The following TCERG1L variants were observed in gnomAD, a reference collection of about 807,000 sequenced individuals.
TCERG1L encodes the protein transcription elongation regulator 1-like protein.
In TCERG1L, 37 loss-of-function variants were observed where a neutral mutation model predicts 56.3. The ratio of observed to expected loss-of-function variants is 0.66; its 90% CI spans 0.51 to 0.87. The LOEUF (loss-of-function observed/expected upper bound fraction) is 0.87, where lower values mean the gene tolerates loss of function less well. TCERG1L is among the 40% of genes least tolerant of loss of function. TCERG1L has a pLI of 0.00. For missense variants in TCERG1L, 799 were observed against 774.2 expected (o/e 1.03, Z -0.38); for synonymous variants, 324 against 326.3 (o/e 0.99, Z 0.08).
At chr10:131,236,845 G>A (rs1194146957) in intron 4 of TCERG1L, among the ~76,000 whole-genome samples, 2 of 152,006 alleles carry the variant, frequency 1.3e-5, no homozygotes, top group Admixed American at 6.6e-5. Flanking sequence ...TCTAGTCTAG[G>A]TGCTTTCTGA....
chr10:131,093,535 T>C (rs1845205226), intron 11 of TCERG1L, among the ~76,000 whole-genome samples: 1 of 152,038 alleles, frequency 6.6e-6, no homozygotes, highest in African/African-American at 2.4e-5. Flanking sequence ...CAGGACCCCC[T>C]TGTCTCTCCT....
chr10:131,223,460 CT>C (rs1320937778), intron 4 of TCERG1L, among the ~76,000 whole-genome samples: 1 of 152,228 alleles, frequency 6.6e-6, no homozygotes, highest in African/African-American at 2.4e-5. Flanking sequence ...GATTCAGATA[CT>C]GTTTTGGGTC....
chr10:131,270,037 C>A (rs1217395164), intron 3 of TCERG1L, among the ~76,000 whole-genome samples: 2 of 152,178 alleles, frequency 1.3e-5, no homozygotes, highest in African/African-American at 4.8e-5. Context: ...GATAAACATG[C>A]AACGGTAACA....
intron 4 of TCERG1L, among the ~76,000 whole-genome samples, chr10:131,179,625 G>A (rs1303761835): frequency 6.6e-6 from 1 of 152,230 alleles, no homozygotes; most frequent in African/African-American, 2.4e-5. Context: ...CCACCATGGA[G>A]GGCTGGCGGG....
chr10:131,201,672 T>C (rs1175277410), intron 4 of TCERG1L, among the ~76,000 whole-genome samples: 6 of 152,262 alleles, frequency 3.9e-5, no homozygotes, highest in Non-Finnish European at 7.3e-5. Context: ...CAATTTGCTC[T>C]GCTGCTGCTG....
chr10:131,298,699 C>A (rs1272483596), intron 3 of TCERG1L, among the ~76,000 whole-genome samples: 2 of 152,220 alleles, frequency 1.3e-5, no homozygotes, highest in Non-Finnish European at 2.9e-5. Context: ...GAGGCATGAG[C>A]CACGGCGTCC....
chr10:131,170,773 G>C (rs1005363941), intron 4 of TCERG1L, among the ~76,000 whole-genome samples: 2 of 152,196 alleles, frequency 1.3e-5, no homozygotes, highest in African/African-American at 4.8e-5. Flanking sequence ...AAGGGCCGCA[G>C]GGACTGGGGA....
At chr10:131,274,462 G>A (rs7088449) in intron 3 of TCERG1L, among the ~76,000 whole-genome samples, 1 of 152,322 alleles carries the variant, frequency 6.6e-6, no homozygotes, top group East Asian at 1.9e-4. Context: ...CATCCTTGAA[G>A]GAAGTGTGAA....
intron 3 of TCERG1L, among the ~76,000 whole-genome samples, chr10:131,287,930 A>G (rs1439969169): frequency 6.6e-6 from 1 of 152,192 alleles, no homozygotes; most frequent in African/African-American, 2.4e-5. Context: ...TAATGACATG[A>G]TGTCACTCAT....
At chr10:131,242,033 C>T (rs1045102558) in intron 4 of TCERG1L, among the ~76,000 whole-genome samples, 6 of 152,186 alleles carry the variant, frequency 3.9e-5, no homozygotes, top group African/African-American at 1.4e-4. Flanking sequence ...TACAACTTGG[C>T]AACCTATCAA....
At chr10:131,117,041 C>G (rs1845467184) in intron 8 of TCERG1L, 107 bp from the exon 9 acceptor site, 1 of 1,382,858 alleles carries the variant, frequency 7.2e-7, no homozygotes, top group Non-Finnish European at 9.6e-7. Context: ...GAAGCACAGT[C>G]TCCTTGACAA....
At chr10:131,222,458 T>A (rs920141987) in intron 4 of TCERG1L, among the ~76,000 whole-genome samples, 1 of 152,258 alleles carries the variant, frequency 6.6e-6, no homozygotes, top group South Asian at 2.1e-4. Context: ...TATTGGCAGA[T>A]GTGAAACTCA....
intron 4 of TCERG1L, among the ~76,000 whole-genome samples, chr10:131,247,816 C>G (rs1429736485): frequency 6.6e-6 from 1 of 152,188 alleles, no homozygotes; most frequent in Non-Finnish European, 1.5e-5. Context: ...CCACCTCTCC[C>G]CTGCCTCCTG....
At chr10:131,263,578 C>T (rs1426082882) in intron 3 of TCERG1L, among the ~76,000 whole-genome samples, 3 of 152,192 alleles carry the variant, frequency 2.0e-5, no homozygotes, top group South Asian at 2.1e-4. Context: ...AAGGAAGGCA[C>T]GTGCCCCATA....
Position 131,242,080 on chromosome 10 carries a change from G to A in TCERG1L, c.856+18179C>T, listed in dbSNP as rs375264954. On this transcript the variant is annotated intron_variant, in intron 4 of 11. Coordinates refer to ENST00000368642, the MANE Select transcript of TCERG1L (RefSeq NM_174937.4). Reference sequence around the variant, plus strand: ...GGGCAAGAACAGAATTTTCAACACCGAAGGGATCTGGAATACTTTTATTAG... The same window carrying A: ...GGGCAAGAACAGAATTTTCAACACCAAAGGGATCTGGAATACTTTTATTAG... Among the ~76,000 whole-genome samples, 9 of 152,278 alleles carry A rather than the reference G, an allele frequency of 5.9e-5. No homozygotes were observed. In the South Asian group the frequency reaches 1.0e-3, roughly 18 times the overall value.
rs182840227 is a variant in TCERG1L, at chr10:131,305,263, G to A, written c.670+2948C>T. ...CCAACAGGCTTGTTTACAACAGAGC[G>A]TGATAACAGGCGACCATCATCCTCC... On this transcript the variant is annotated intron_variant, in intron 3 of 11. Transcript: ENST00000368642. 9.8e-4 allele frequency among the ~76,000 whole-genome samples: 149 copies of A among 152,222 alleles called. 2 individuals carry two copies. The highest frequency in any genetic ancestry group is 3.0e-3 in the African/African-American group (124 of 41,476).
chr10:131,127,311 CAG>C (rs1845574426), intron 8 of TCERG1L, among the ~76,000 whole-genome samples: 1 of 152,348 alleles, frequency 6.6e-6, no homozygotes, highest in South Asian at 2.1e-4. Flanking sequence ...CAAACCCTGA[CAG>C]AGACAGAGAC....
intron 4 of TCERG1L, among the ~76,000 whole-genome samples, chr10:131,232,724 G>T (rs1185765228): frequency 6.6e-6 from 1 of 152,156 alleles, no homozygotes; most frequent in African/African-American, 2.4e-5. Context: ...CTGCTAAAAT[G>T]GGCACAAAAC....
In TCERG1L at chr10:131,192,731, A is replaced by C. The variant is rs1028184703; in HGVS notation, c.857-25846T>G. Among the ~76,000 whole-genome samples the C allele has an allele frequency of 1.4e-5, 2 of 144,818 alleles. 1 individual carries two copies. The highest frequency in any genetic ancestry group is 1.4e-4 in the Admixed American group (2 of 14,572). ...AATTTGGATGGAGCTGGAGTCCATT[A>C]TTCTAAGTGAAGTAGTAACACAGGA... is the stretch of plus-strand genomic sequence containing the variant. On this transcript the variant is annotated intron_variant, in intron 4 of 11. Transcript: ENST00000368642.
Sources: allele counts gnomAD v4.1 joint callset (sites outside exome capture counted in the v4.1 genomes callset), GRCh38; gene constraint gnomAD v4.1.1; transcripts MANE v1.5; gene names NCBI Gene and HGNC (gene_info 2026-07-23, HGNC 2026-07-21).